Variants in PDK1 observed in about 807,000 individuals in gnomAD.
PDK1 encodes the protein [Pyruvate dehydrogenase (acetyl-transferring)] kinase isozyme 1, mitochondrial.
PDK1 carries 39 observed loss-of-function variants against 54.2 expected under a neutral mutation model. The ratio of observed to expected loss-of-function variants is 0.72; its 90% confidence interval spans 0.56 to 0.94. PDK1 has a LOEUF of 0.94. Ranked by LOEUF, PDK1 falls within the 40% of genes least tolerant of loss-of-function variation. The pLI is 0.00. For missense variants in PDK1, 552 were observed against 566.0 expected, an observed-to-expected ratio of 0.98 and a Z score of 0.25; for synonymous variants, 221 against 207.1, an observed-to-expected ratio of 1.07 and a Z score of -0.58.
At chr2:172,592,000 C>T (rs1366294648) in intron 9 of PDK1, among the ~76,000 whole-genome samples, 3 of 152,170 alleles carry the variant, frequency 2.0e-5, no homozygotes, top group African/African-American at 7.2e-5. Flanking sequence ...TTCCCTTAAT[C>T]GCCTGGGAGG....
the PDK1 span, among the ~76,000 whole-genome samples, chr2:172,634,517 C>G: frequency 6.6e-6 from 1 of 151,824 alleles, no homozygotes; most frequent in African/African-American, 2.4e-5. Flanking sequence ...AAGTGATCTG[C>G]CTGCCTTGGC....
chr2:172,672,527 G>T, the PDK1 span, among the ~76,000 whole-genome samples: 1 of 151,996 alleles, frequency 6.6e-6, no homozygotes, highest in Non-Finnish European at 1.5e-5. Context: ...ATTGTGCTTT[G>T]CTTTATTACC....
the PDK1 span, among the ~76,000 whole-genome samples, chr2:172,639,277 G>A: frequency 3.9e-5 from 6 of 152,196 alleles, no homozygotes; most frequent in East Asian, 1.9e-4. Flanking sequence ...GTAGCCAGCC[G>A]TGGAGGGAGC....
rs1479369047 is a variant in PDK1, at chr2:172,598,433, G to T, written c.*2464G>T. 1 of 152,146 alleles carries T rather than the reference G, an allele frequency of 6.6e-6. No individual in the cohort carries two copies. The highest frequency in any genetic ancestry group is 2.4e-5 in the African/African-American group (1 of 41,426). The allele number at this position is 152,146 out of a possible 1,614,324, so 9.4% of individuals were successfully genotyped here. ...TTCTGGGAGAGCTTTTTCCTAGTTGGTTTTAAATCATTGTGCCACCTGAAA... is the reference window on the plus strand; with the variant it reads ...TTCTGGGAGAGCTTTTTCCTAGTTGTTTTTAAATCATTGTGCCACCTGAAA... On this transcript the variant is annotated 3_prime_UTR_variant, in exon 11 of 11. Transcript: ENST00000282077.
At position 172,606,315 on chromosome 2, in the gene PDK1, T is replaced by C. The variant is rs1691292186; in HGVS notation, c.*10346T>C. 1 of 152,214 alleles carries C rather than the reference T, an allele frequency of 6.6e-6. No homozygotes were observed. The highest frequency in any genetic ancestry group is 2.4e-5 in the African/African-American group (1 of 41,442). 9.4% of individuals were successfully genotyped at this position (152,214 alleles called of 1,614,324 possible). ...AAGAAGATCTCCTCTCTCTTAGAAC[T>C]TAATCAAACTCTTGGCATCCACAGA... On this transcript the variant is annotated 3_prime_UTR_variant, in exon 11 of 11. Transcript: ENST00000282077.
chr2:172,615,600 G>A, the PDK1 span, among the ~76,000 whole-genome samples: 1 of 151,808 alleles, frequency 6.6e-6, no homozygotes, highest in South Asian at 2.1e-4. Context: ...TCCAGCCTGG[G>A]CAATAAGAGC....
At chr2:172,588,530 G>T (rs541723949) in intron 9 of PDK1, among the ~76,000 whole-genome samples, 5 of 152,328 alleles carry the variant, frequency 3.3e-5, no homozygotes, top group African/African-American at 1.2e-4. Flanking sequence ...ATTTTAGGAT[G>T]TAAAATGTAT....
the PDK1 span, among the ~76,000 whole-genome samples, chr2:172,661,873 C>T: frequency 2.6e-3 from 401 of 152,278 alleles, 6 homozygotes; most frequent in African/African-American, 9.0e-3. Context: ...ACCTGTGTGA[C>T]GGGATCATTC....
chr2:172,617,472 C>T, the PDK1 span, among the ~76,000 whole-genome samples: 3 of 151,968 alleles, frequency 2.0e-5, no homozygotes, highest in African/African-American at 7.3e-5. Context: ...GATGAAAGTC[C>T]AAGAGCAAGC....
At chr2:172,717,709 A>G in the PDK1 span, among the ~76,000 whole-genome samples, 7 of 152,156 alleles carry the variant, frequency 4.6e-5, no homozygotes, top group East Asian at 1.2e-3. Context: ...AGTATTTTGA[A>G]GTAGAACATT....
chr2:172,587,877 T>C (rs1355623015), intron 9 of PDK1, among the ~76,000 whole-genome samples: 1 of 152,136 alleles, frequency 6.6e-6, no homozygotes, highest in Non-Finnish European at 1.5e-5. Context: ...GTTCTCCAAG[T>C]CCCCACCCGA....
Position 172,604,821 on chromosome 2 carries a change from G to A in PDK1, c.*8852G>A, listed in dbSNP as rs1021719319. Reference sequence around the variant, plus strand: ...TTTGTGCCACAATATGATGTGGCCAGACTACTTTTCTAGTTTCGAGATTAT... The same window carrying A: ...TTTGTGCCACAATATGATGTGGCCAAACTACTTTTCTAGTTTCGAGATTAT... On this transcript the variant is annotated 3_prime_UTR_variant, in exon 11 of 11. Transcript: ENST00000282077. The A allele has an allele frequency of 1.3e-5, 2 of 152,220 alleles. No homozygotes were observed. The highest frequency in any genetic ancestry group is 2.9e-5 in the Non-Finnish European group (2 of 68,054). The allele number at this position is 152,220 out of a possible 1,614,324, so 9.4% of individuals were successfully genotyped here. A position where few individuals can be genotyped will look rare whatever the true frequency, so the allele number is the denominator to read the frequency against.
chr2:172,587,531 C>T (rs925523395), intron 9 of PDK1, among the ~76,000 whole-genome samples: 6 of 152,016 alleles, frequency 3.9e-5, no homozygotes, highest in African/African-American at 1.2e-4. Context: ...TGCAGACCTT[C>T]GCGGTGAGTG....
chr2:172,622,930 A>G, the PDK1 span, among the ~76,000 whole-genome samples: 1 of 148,712 alleles, frequency 6.7e-6, no homozygotes, highest in African/African-American at 2.4e-5. Flanking sequence ...ATAGTAGGAG[A>G]TATATATGTT....
chr2:172,708,148 G>A, the PDK1 span, among the ~76,000 whole-genome samples: 1 of 152,022 alleles, frequency 6.6e-6, no homozygotes, highest in Non-Finnish European at 1.5e-5. Context: ...CAAAAAATTA[G>A]CTGGGCATAG....
chr2:172,561,070 G>C (rs1377796071), intron 2 of PDK1, among the ~76,000 whole-genome samples: 1 of 152,214 alleles, frequency 6.6e-6, no homozygotes, highest in Non-Finnish European at 1.5e-5. Context: ...GTATGGAATA[G>C]TTATAAGTGT....
chr2:172,571,849 T>TTTTTTTTTTTTTTTTTTTG (rs1553480311), intron 8 of PDK1, among the ~76,000 whole-genome samples: 1 of 136,680 alleles, frequency 7.3e-6, no homozygotes, highest in Non-Finnish European at 1.6e-5. Flanking sequence ...TTTTTTTTTT[T>TTTTTTTTTTTTTTTTTTTG]GAGATGGAGT....
chr2:172,636,431 A>G, the PDK1 span, among the ~76,000 whole-genome samples: 15,530 of 152,196 alleles, frequency 0.1, 960 homozygotes, highest in Non-Finnish European at 0.13. Context: ...TTAAAGAGCA[A>G]GAACTCAGCC....
At chr2:172,567,532 G>C (rs1689023504) in intron 6 of PDK1, among the ~76,000 whole-genome samples, 1 of 152,186 alleles carries the variant, frequency 6.6e-6, no homozygotes, top group Non-Finnish European at 1.5e-5. Context: ...GGTGTGGGAA[G>C]AATAAAACAA....
Sources: gnomAD v4.1 joint callset for allele counts (sites outside exome capture counted in the v4.1 genomes callset) on GRCh38, gnomAD v4.1.1 for gene constraint, MANE v1.5 for transcripts, NCBI Gene and HGNC (gene_info 2026-07-23, HGNC 2026-07-21) for gene names.